EIF2B2: variants seen among roughly 807,000 people sequenced by gnomAD.
The protein encoded by EIF2B2 is translation initiation factor eIF2B subunit beta.
A neutral mutation model predicts 34.7 loss-of-function variants in EIF2B2; 34 were observed. The observed-to-expected ratio is 0.98, with a 90% confidence interval of 0.75 to 1.31. EIF2B2 has a LOEUF of 1.31. Among genes scored for constraint, EIF2B2 ranks in the 50% most tolerant of loss-of-function variants. The probability of loss-of-function intolerance (pLI) is 0.00; values close to 1 mark genes in which losing one functional copy is unlikely to be tolerated. For missense variants in EIF2B2, 361 were observed against 447.7 expected (o/e 0.81, Z 1.75); for synonymous variants, 155 against 171.6 (o/e 0.90, Z 0.76).
Position 75,003,658 on chromosome 14 carries a change from C to A in EIF2B2, c.392C>A (p.Ser131Tyr). 6.2e-7 allele frequency: 1 copy of A among 1,614,192 alleles called. No homozygotes were observed. Among genetic ancestry groups the A allele is most frequent in the Non-Finnish European group, 8.5e-7 (1 of 1,180,036 alleles). Reference protein sequence around the residue: ...DFSFHYAQLQSNIIEAINELL... With the variant: ...DFSFHYAQLQYNIIEAINELL... ...AGCTTCCATTATGCCCAACTCCAGT[C>A]CAACATCATTGAGGCGATTAATGAG... is the stretch of plus-strand genomic sequence containing the variant. The change falls in exon 3 of 8, where the codon TCC (serine) becomes TAC (tyrosine). Residue 131 changes from serine (S) to tyrosine (Y), a missense_variant. Coordinates refer to ENST00000266126, the MANE Select transcript of EIF2B2 (RefSeq NM_014239.4).
intron 1 of EIF2B2, 57 bp downstream of exon 1, chr14:75,003,210 G>A: frequency 6.2e-7 from 1 of 1,613,356 alleles, no homozygotes; most frequent in Non-Finnish European, 8.5e-7. Flanking sequence ...CCGATCCCAG[G>A]GCTGAAAATT....
In EIF2B2 at chr14:75,006,774, T is replaced by C; in HGVS notation, c.831+60T>C. ...AAAAGAAGGAAGCCAAAGGGTAGGC[T>C]TGAACTCTGGGACTTCAACCACCTC... On this transcript the variant is annotated intron_variant, in intron 6 of 7. Transcript: ENST00000266126. The surrounding 1 kb of genome is among the most constrained non-coding windows in gnomAD (Gnocchi z 4.1). 2 of 1,609,876 alleles carry C rather than the reference T, an allele frequency of 1.2e-6. No homozygotes were observed. The highest frequency in any genetic ancestry group is 1.7e-6 in the Non-Finnish European group (2 of 1,178,734).
At position 75,012,077 on chromosome 14, in the gene EIF2B2, ATCT is replaced by A. The variant is rs1019663141; in HGVS notation, c.*2894_*2896del. On this transcript the variant is annotated 3_prime_UTR_variant, in exon 8 of 8. Transcript: ENST00000266126. The stretch of plus-strand genomic sequence containing the variant: ...AATTAAGTAAACCCTATTAAGGCTC[ATCT>A]TCTTATTTCCCCTCTCTCCGTTTCC... The A allele has an allele frequency of 2.4e-4, 37 of 152,316 alleles. No homozygotes were observed. The highest frequency in any genetic ancestry group is 8.7e-4 in the African/African-American group (36 of 41,566). 9.4% of individuals were successfully genotyped at this position (152,316 alleles called of 1,614,324 possible).
At position 75,006,376 on chromosome 14, in the gene EIF2B2, G is replaced by A; in HGVS notation, c.694-201G>A. On this transcript the variant is annotated intron_variant, in intron 5 of 7. Coordinates refer to ENST00000266126, the MANE Select transcript of EIF2B2 (RefSeq NM_014239.4). The surrounding 1 kb of genome is among the most constrained non-coding windows in gnomAD (Gnocchi z 4.1). ...AGAGCAGTAGGTTTTGCAGTTTCTT[G>A]TCCCATTTTACATTCATTCTTTCCT... The A allele has an allele frequency of 2.8e-6, 2 of 721,826 alleles. No individual in the cohort carries two copies. The highest frequency in any genetic ancestry group is 4.5e-6 in the Non-Finnish European group (2 of 446,348). The allele number at this position is 721,826 out of a possible 1,614,324, so 44.7% of individuals were successfully genotyped here.
At position 75,010,758 on chromosome 14, in the gene EIF2B2, G is replaced by C. The variant is rs1464382391; in HGVS notation, c.*1570G>C. 1 of 152,144 alleles carries C rather than the reference G, an allele frequency of 6.6e-6. No individual in the cohort carries two copies. The highest frequency in any genetic ancestry group is 1.5e-5 in the Non-Finnish European group (1 of 68,036). The allele number at this position is 152,144 out of a possible 1,614,324, so 9.4% of individuals were successfully genotyped here. On this transcript the variant is annotated 3_prime_UTR_variant, in exon 8 of 8. Coordinates refer to ENST00000266126, the MANE Select transcript of EIF2B2 (RefSeq NM_014239.4). ...ATCTGCCTAACCCCTGTAGGCATTT[G>C]AGTTGTGATCCTGGTGTTAAAAGAA... is the stretch of plus-strand genomic sequence containing the variant.
chr14:75,009,022 G>A lies in EIF2B2; in HGVS notation c.899-9G>A, dbSNP rs1889666148. On this transcript the variant is annotated splice_polypyrimidine_tract_variant and intron_variant, in intron 7 of 7. Coordinates refer to ENST00000266126, the MANE Select transcript of EIF2B2 (RefSeq NM_014239.4). ...AGTTTTACCTTTAGCATGTGTGCTT[G>A]CCTTTCAGGGGACATTCTGGAGAAG... The A allele has an allele frequency of 6.2e-7, 1 of 1,613,948 alleles. No individual in the cohort carries two copies. The highest frequency in any genetic ancestry group is 1.3e-5 in the African/African-American group (1 of 74,902).
rs1889691426 is a variant in EIF2B2 at position 75,010,580 on chromosome 14, C to G, written c.*1392C>G. 1 of 152,174 alleles carries G rather than the reference C, an allele frequency of 6.6e-6. No homozygotes were observed. The highest frequency in any genetic ancestry group is 1.5e-5 in the Non-Finnish European group (1 of 68,020). The allele number at this position is 152,174 out of a possible 1,614,324, so 9.4% of individuals were successfully genotyped here. A position where few individuals can be genotyped will look rare whatever the true frequency, so the allele number is the denominator to read the frequency against. ...TTGCACATTTCAAAAATTCAGATTT[C>G]TTGCTTTTCTTGAAAACTCAAATTT... On this transcript the variant is annotated 3_prime_UTR_variant, in exon 8 of 8. Transcript: ENST00000266126.
Position 75,012,065 on chromosome 14 carries a change from C to G in EIF2B2, c.*2877C>G, listed in dbSNP as rs1486691539. 1 of 152,120 alleles carries G rather than the reference C, an allele frequency of 6.6e-6. No individual in the cohort carries two copies. Among genetic ancestry groups the G allele is most frequent in the Non-Finnish European group, 1.5e-5 (1 of 68,036 alleles). 9.4% of individuals were successfully genotyped at this position (152,120 alleles called of 1,614,324 possible). A position where few individuals can be genotyped will look rare whatever the true frequency, so the allele number is the denominator to read the frequency against. On this transcript the variant is annotated 3_prime_UTR_variant, in exon 8 of 8. Coordinates refer to ENST00000266126, the MANE Select transcript of EIF2B2 (RefSeq NM_014239.4). Reference sequence around the variant, plus strand: ...CTTTATGACCCCAATTAAGTAAACCCTATTAAGGCTCATCTTCTTATTTCC... The same window carrying G: ...CTTTATGACCCCAATTAAGTAAACCGTATTAAGGCTCATCTTCTTATTTCC...
rs1889577199 is a variant in EIF2B2, at chr14:75,003,661, A to T, written c.395A>T (p.Asn132Ile). The T allele has an allele frequency of 1.2e-6, 2 of 1,614,172 alleles. No individual in the cohort carries two copies. The highest frequency in any genetic ancestry group is 4.5e-5 in the East Asian group (2 of 44,886). Residue 132 changes from asparagine to isoleucine, a missense_variant, in exon 3 of 8, where the codon AAC becomes ATC. Asn to Ile is a moderately radical substitution (Grantham distance 149). Coordinates refer to ENST00000266126, the MANE Select transcript of EIF2B2 (RefSeq NM_014239.4). ...FSFHYAQLQS[N>I]IIEAINELLV... ...TTCCATTATGCCCAACTCCAGTCCA[A>T]CATCATTGAGGCGATTAATGAGCTG...
In EIF2B2 at chr14:75,004,690, T is replaced by TATATATA. The variant is rs764926377; in HGVS notation, c.434-47_434-46insATATATA. On this transcript the variant is annotated intron_variant, in intron 3 of 7. Transcript: ENST00000266126. Reference sequence around the variant, plus strand: ...TCATATATATATATATATATATATATTTTTTTTTTTTTTTTTTTTTTTTTT... The same window carrying TATATATA: ...TCATATATATATATATATATATATATATATATATTTTTTTTTTTTTTTTTTTTTTTTT... 5.0e-4 allele frequency: 45 copies of TATATATA among 90,530 alleles called. No individual in the cohort carries two copies. The Admixed American group carries it at 0.018, about 36-fold the overall frequency. 5.6% of individuals were successfully genotyped at this position (90,530 alleles called of 1,614,324 possible).
chr14:75,007,604 G>A, intron 6 of EIF2B2, 118 bp from the exon 7 acceptor site: 2 of 822,316 alleles, frequency 2.4e-6, no homozygotes, highest in Non-Finnish European at 3.9e-6. Context: ...TGTGAATAAT[G>A]CTGCTATAAG....
intron 6 of EIF2B2, 106 bp from the exon 7 acceptor site, chr14:75,007,616 A>G: frequency 1.1e-6 from 1 of 931,048 alleles, no homozygotes; most frequent in South Asian, 1.4e-5. Flanking sequence ...TGCTATAAGC[A>G]TCTGTGTATA....
At position 75,003,327 on chromosome 14, in the gene EIF2B2, G is replaced by A; in HGVS notation, c.216G>A (p.Gln72=). ...AGGGCAGGAGGATGACGGCCGCTCA[G>A]CCCTCCGAGACCACCGTGGGCAACA... ...RREGRRMTAA[Q]PSETTVGNMV... Residue 72 remains glutamine, a synonymous_variant, in exon 2 of 8, where the codon CAG becomes CAA. Coordinates refer to ENST00000266126, the MANE Select transcript of EIF2B2 (RefSeq NM_014239.4). 2 of 1,613,922 alleles carry A rather than the reference G, an allele frequency of 1.2e-6. No individual in the cohort carries two copies. The highest frequency in any genetic ancestry group is 1.7e-6 in the Non-Finnish European group (2 of 1,179,984).
chr14:75,006,555 CATT>C lies in EIF2B2; in HGVS notation c.694-21_694-19del. 6.2e-7 allele frequency: 1 copy of C among 1,613,156 alleles called. No individual in the cohort carries two copies. Among genetic ancestry groups the C allele is most frequent in the Non-Finnish European group, 8.5e-7 (1 of 1,180,012 alleles). On this transcript the variant is annotated intron_variant, in intron 5 of 7. Coordinates refer to ENST00000266126, the MANE Select transcript of EIF2B2 (RefSeq NM_014239.4). This position sits in a 1 kb window ranked among gnomAD's most constrained non-coding sequence, Gnocchi z 4.1. Reference sequence around the variant, plus strand: ...AGGGCTCCACCCCCAGGATGGCTCACATTTTTTGTCTTGTCCCAAAGGTGATCA... The same window carrying C: ...AGGGCTCCACCCCCAGGATGGCTCACTTTTGTCTTGTCCCAAAGGTGATCA...
rs1889709729 is a variant in EIF2B2, at chr14:75,011,903, T to C, written c.*2715T>C. 6.6e-6 allele frequency: 1 copy of C among 152,200 alleles called. No homozygotes were observed. The allele number at this position is 152,200 out of a possible 1,614,324, so 9.4% of individuals were successfully genotyped here. The stretch of plus-strand genomic sequence containing the variant: ...TACTTGTCCTTTGTCCATCTTAGTC[T>C]CTGTGTCTAAAATTAGCACCAACAT... On this transcript the variant is annotated 3_prime_UTR_variant, in exon 8 of 8. Coordinates refer to ENST00000266126, the MANE Select transcript of EIF2B2 (RefSeq NM_014239.4).
At position 75,004,780 on chromosome 14, in the gene EIF2B2, T is replaced by G; in HGVS notation, c.477T>G (p.Ile159Met). ...TTGCAGCCCAGGCTCTGGAGCACAT[T>G]CACTCCAATGAGGTGATCATGACCA... ...ENIAAQALEHIHSNEVIMTIG... is the reference protein window; with the variant it reads ...ENIAAQALEHMHSNEVIMTIG... Residue 159 changes from isoleucine (I) to methionine (M), a missense_variant, in exon 4 of 8, where the codon ATT becomes ATG. By Grantham distance (10) the Ile-to-Met change is conservative (BLOSUM62 1). Coordinates refer to ENST00000266126, the MANE Select transcript of EIF2B2 (RefSeq NM_014239.4). 6.3e-7 allele frequency: 1 copy of G among 1,587,086 alleles called. No homozygotes were observed.
At position 75,006,719 on chromosome 14, in the gene EIF2B2, G is replaced by A. The variant is rs944393751; in HGVS notation, c.831+5G>A. ...ATGTTCAAACTTTCTCCACAGGTAA[G>A]TGTGTCTGTCTCTAGCTAGAAGCCA... On this transcript the variant is annotated splice_donor_5th_base_variant and intron_variant, in intron 6 of 7. Coordinates refer to ENST00000266126, the MANE Select transcript of EIF2B2 (RefSeq NM_014239.4). The surrounding 1 kb of genome is among the most constrained non-coding windows in gnomAD (Gnocchi z 4.1). The A allele has an allele frequency of 6.2e-7, 1 of 1,614,166 alleles. No homozygotes were observed. The highest frequency in any genetic ancestry group is 8.5e-7 in the Non-Finnish European group (1 of 1,180,046).
chr14:75,006,434 G>T lies in EIF2B2; in HGVS notation c.694-143G>T. On this transcript the variant is annotated intron_variant, in intron 5 of 7. Coordinates refer to ENST00000266126, the MANE Select transcript of EIF2B2 (RefSeq NM_014239.4). The surrounding 1 kb of genome is among the most constrained non-coding windows in gnomAD (Gnocchi z 4.1). ...CTACTTTTAAGCTAGAACTTGTATT[G>T]AGCCAGGGATCCCTTCACCTCTACC... The T allele has an allele frequency of 4.2e-6, 5 of 1,189,480 alleles. No individual in the cohort carries two copies. The highest frequency in any genetic ancestry group is 2.7e-5 in the South Asian group (2 of 74,658). 73.7% of individuals were successfully genotyped at this position (1,189,480 alleles called of 1,614,324 possible).
rs1350819175 is a variant in EIF2B2, at chr14:75,010,203, C to T, written c.*1015C>T. On this transcript the variant is annotated 3_prime_UTR_variant, in exon 8 of 8. Coordinates refer to ENST00000266126, the MANE Select transcript of EIF2B2 (RefSeq NM_014239.4). ...CCTACTGCATCTGATCTCAGGGTTA[C>T]TACCTGGGAATCTGTTTAAAGCTTC... 6.6e-6 allele frequency: 1 copy of T among 152,164 alleles called. No homozygotes were observed. The highest frequency in any genetic ancestry group is 1.5e-5 in the Non-Finnish European group (1 of 68,050). The allele number at this position is 152,164 out of a possible 1,614,324, so 9.4% of individuals were successfully genotyped here.
Sources: gnomAD v4.1 joint callset for allele counts on GRCh38, gnomAD v4.1.1 for gene constraint, Gnocchi (gnomAD v3.1) non-coding constraint, MANE v1.5 for transcripts, NCBI Gene and HGNC (gene_info 2026-07-23, HGNC 2026-07-21) for gene names.